The following SCN2A variants were observed in gnomAD, a reference collection of about 807,000 sequenced individuals.
The protein encoded by SCN2A is sodium channel protein type 2 subunit alpha.
In SCN2A, 20 loss-of-function variants were observed where a neutral mutation model predicts 188.7. The ratio of observed to expected loss-of-function variants is 0.11; its 90% CI spans 0.07 to 0.15. SCN2A has a LOEUF of 0.15. Ranked by LOEUF, SCN2A falls within the 10% of genes least tolerant of loss-of-function variation. The pLI, the probability that SCN2A is intolerant of heterozygous loss-of-function variation, is 1.00. For missense variants in SCN2A, 1,278 were observed against 2,445.0 expected (o/e 0.52, Z 10.07); for synonymous variants, 804 against 833.1 (o/e 0.97, Z 0.60).
intron 12 of SCN2A, among the ~76,000 whole-genome samples, chr2:165,324,628 ATGTACCAGACACTGTC>A (rs1698255289): frequency 6.6e-6 from 1 of 152,102 alleles, no homozygotes; most frequent in Non-Finnish European, 1.5e-5. Context: ...ATAGATAACC[ATGTACCAGACACTGTC>A]CAGAACACTG....
chr2:165,247,592 G>T (rs1282345716), intron 1 of SCN2A, among the ~76,000 whole-genome samples: 2 of 152,132 alleles, frequency 1.3e-5, no homozygotes, highest in Non-Finnish European at 2.9e-5. Context: ...TCTTCTCTTA[G>T]CTTATTGTTC....
rs757533588 is a variant in SCN2A, at chr2:165,307,893, A to T, written c.432A>T (p.Val144=). ...LIMCTILTNC[V]FMTMSNPPDW... ...TGTGCACGATTCTTACCAACTGTGT[A>T]TTTATGACCATGAGTAACCCTCCAG... Residue 144 remains valine (V), a synonymous_variant, in exon 4 of 27, where the codon GTA becomes GTT. Transcript: ENST00000375437. The T allele has an allele frequency of 6.2e-7, 1 of 1,611,532 alleles. No individual in the cohort carries two copies. Among genetic ancestry groups the T allele is most frequent in the Non-Finnish European group, 8.5e-7 (1 of 1,177,820 alleles).
intron 1 of SCN2A, among the ~76,000 whole-genome samples, chr2:165,256,650 G>T (rs564382742): frequency 6.6e-6 from 1 of 152,170 alleles, no homozygotes; most frequent in African/African-American, 2.4e-5. Context: ...AGGTATCCAC[G>T]CTATATCCAA....
Position 165,295,676 on chromosome 2 carries a change from G to A in SCN2A, c.-51-97G>A, listed in dbSNP as rs973077243. On this transcript the variant is annotated intron_variant, in intron 1 of 26. Coordinates refer to ENST00000375437, the MANE Select transcript of SCN2A (RefSeq NM_001040142.2). ...CTTTGAAAATATTATAGCTATCTGA[G>A]TTTCTATGCTGTATCTCAGTGCTCA... 2.4e-5 allele frequency: 27 copies of A among 1,135,610 alleles called. 1 individual carries two copies. Among genetic ancestry groups the A allele is most frequent in the Admixed American group, 2.4e-4 (11 of 46,578 alleles). 70.3% of individuals were successfully genotyped at this position (1,135,610 alleles called of 1,614,324 possible).
At chr2:165,255,878 C>G (rs1372773323) in intron 1 of SCN2A, among the ~76,000 whole-genome samples, 1 of 151,626 alleles carries the variant, frequency 6.6e-6, no homozygotes, top group African/African-American at 2.4e-5. Context: ...CCAGATTTTT[C>G]TTCCCCGCCC....
At chr2:165,274,595 T>C (rs565850721) in intron 1 of SCN2A, among the ~76,000 whole-genome samples, 3 of 152,236 alleles carry the variant, frequency 2.0e-5, no homozygotes, top group Non-Finnish European at 4.4e-5. Flanking sequence ...TGTAGCTATA[T>C]CATTTAGTTG....
At chr2:165,277,181 A>G (rs985923319) in intron 1 of SCN2A, among the ~76,000 whole-genome samples, 6 of 152,322 alleles carry the variant, frequency 3.9e-5, no homozygotes, top group Middle Eastern at 3.4e-3. Flanking sequence ...GGGGAATTAT[A>G]CATTCTAATT....
intron 16 of SCN2A, among the ~76,000 whole-genome samples, chr2:165,353,570 T>C (rs1020867952): frequency 3.3e-5 from 5 of 152,176 alleles, no homozygotes; most frequent in African/African-American, 1.2e-4. Flanking sequence ...GCAGTGAGCT[T>C]GGTGCTGGCA....
intron 18 of SCN2A, among the ~76,000 whole-genome samples, chr2:165,366,297 C>A (rs933028140): frequency 1.3e-5 from 2 of 152,054 alleles, no homozygotes; most frequent in Non-Finnish European, 2.9e-5. Flanking sequence ...ACAATTTGTT[C>A]TATGCAATTT....
intron 3 of SCN2A, among the ~76,000 whole-genome samples, chr2:165,298,990 G>C (rs929792615): frequency 2.0e-5 from 3 of 152,074 alleles, no homozygotes; most frequent in Admixed American, 2.0e-4. Context: ...TCGTGCATCT[G>C]AATGATGAGA....
At chr2:165,328,364 C>T (rs1338523386) in intron 13 of SCN2A, 1 of 347,828 alleles carries the variant, frequency 2.9e-6, no homozygotes. Context: ...CTCCCTCTTC[C>T]CCCCAGCTGC....
chr2:165,365,072 C>A, intron 17 of SCN2A, 71 bp from the exon 18 acceptor site: 3 of 1,333,842 alleles, frequency 2.2e-6, no homozygotes, highest in Non-Finnish European at 3.1e-6. Context: ...GGGGGGGGCA[C>A]ACCTAATTAA....
At chr2:165,370,876 T>C in intron 20 of SCN2A, 1 of 155,354 alleles carries the variant, frequency 6.4e-6, no homozygotes, top group Admixed American at 6.3e-5. Context: ...TATAATTGAA[T>C]ATGAGGCAAA....
rs747433273 is a variant in SCN2A, at chr2:165,307,946, A to G, written c.476+9A>G. The G allele has an allele frequency of 6.4e-7, 1 of 1,572,338 alleles. No homozygotes were observed. Among genetic ancestry groups the G allele is most frequent in the Non-Finnish European group, 8.8e-7 (1 of 1,142,318 alleles). On this transcript the variant is annotated intron_variant, in intron 4 of 26. Coordinates refer to ENST00000375437, the MANE Select transcript of SCN2A (RefSeq NM_001040142.2). ...TGGACAAAGAATGTGGAGTAAGTAT[A>G]AATATTTTTCAATATTGACCTCCCT... is the stretch of plus-strand genomic sequence containing the variant.
rs1457091720 is a variant in SCN2A at position 165,315,631 on chromosome 2, GAGA to G, written c.1551_1553del (p.Glu518del). ...AAAAAGAAACAGAAAGAACAGTCTG[GAGA>G]AGAAGAGAAAAATGACAGAGTCCGA... On this transcript the variant is annotated inframe_deletion, in exon 11 of 27. Coordinates refer to ENST00000375437, the MANE Select transcript of SCN2A (RefSeq NM_001040142.2). 12 of 1,613,894 alleles carry G rather than the reference GAGA, an allele frequency of 7.4e-6. No individual in the cohort carries two copies. The East Asian group carries it at 1.6e-4, about 21-fold the overall frequency.
intron 24 of SCN2A, 178 bp downstream of exon 24, chr2:165,380,907 A>G: frequency 1.4e-6 from 1 of 698,278 alleles, no homozygotes; most frequent in Non-Finnish European, 2.4e-6. Flanking sequence ...CATGTTTTTG[A>G]TATTTTTAGT....
At chr2:165,361,667 G>A (rs1700463959) in intron 17 of SCN2A, among the ~76,000 whole-genome samples, 1 of 152,030 alleles carries the variant, frequency 6.6e-6, no homozygotes, top group South Asian at 2.1e-4. Context: ...GACAGATCCT[G>A]TGCTGCTCCG....
chr2:165,304,630 A>G (rs1697017754), intron 3 of SCN2A, among the ~76,000 whole-genome samples: 1 of 152,166 alleles, frequency 6.6e-6, no homozygotes, highest in Non-Finnish European at 1.5e-5. Context: ...GGAATAATAT[A>G]AGGGCTGCTG....
chr2:165,267,565 C>A (rs1184463183), intron 1 of SCN2A: 4 of 151,832 alleles, frequency 2.6e-5, no homozygotes, highest in Admixed American at 1.3e-4. Context: ...GGGGAAAACT[C>A]TATGACATTG....
Sources: gnomAD v4.1 joint callset for allele counts (sites outside exome capture counted in the v4.1 genomes callset) on GRCh38, gnomAD v4.1.1 for gene constraint, MANE v1.5 for transcripts, NCBI Gene and HGNC (gene_info 2026-07-23, HGNC 2026-07-21) for gene names.